The following ATP10D variants were observed in gnomAD, a reference collection of about 807,000 sequenced individuals.
The protein encoded by ATP10D is ATPase phospholipid transporting 10D (putative), also known as phospholipid-transporting ATPase VD.
ATP10D carries 89 observed loss-of-function variants against 144.8 expected under a neutral mutation model. The ratio of observed to expected loss-of-function variants is 0.61; its 90% CI spans 0.52 to 0.73. The LOEUF (loss-of-function observed/expected upper bound fraction) is 0.73. Among genes scored for constraint, ATP10D ranks in the 30% least tolerant of loss-of-function variants. ATP10D has a pLI of 0.00. For missense variants in ATP10D, 1,603 were observed against 1,714.8 expected, an observed-to-expected ratio of 0.93 and a Z score of 1.15; for synonymous variants, 571 against 615.1, an observed-to-expected ratio of 0.93 and a Z score of 1.06.
intron 16 of ATP10D, among the ~76,000 whole-genome samples, chr4:47,571,039 A>T (rs997167859): frequency 1.3e-5 from 2 of 151,918 alleles, no homozygotes; most frequent in Admixed American, 6.6e-5. Context: ...GTAGCCACTA[A>T]AACTCCTGGG....
chr4:47,575,832 C>T (rs1400689004), intron 18 of ATP10D, among the ~76,000 whole-genome samples: 11 of 151,654 alleles, frequency 7.3e-5, no homozygotes, highest in Non-Finnish European at 1.6e-4. Flanking sequence ...CCAGAATGGT[C>T]AGGTTCTGGT....
At chr4:47,540,163 A>AT (rs1718061557) in intron 9 of ATP10D, among the ~76,000 whole-genome samples, 1 of 152,152 alleles carries the variant, frequency 6.6e-6, no homozygotes, top group African/African-American at 2.4e-5. Context: ...TCTGAGGCAT[A>AT]TTTTCACTGA....
At chr4:47,576,077 G>A (rs1363720017) in intron 18 of ATP10D, among the ~76,000 whole-genome samples, 5 of 150,524 alleles carry the variant, frequency 3.3e-5, no homozygotes, top group African/African-American at 9.8e-5. Flanking sequence ...GACTACAGGC[G>A]CCCGCCACTA....
At chr4:47,504,647 C>T (rs1715918286) in intron 1 of ATP10D, among the ~76,000 whole-genome samples, 1 of 152,060 alleles carries the variant, frequency 6.6e-6, no homozygotes. Flanking sequence ...ACTGCAAGCT[C>T]CGCCTCCCGG....
intron 22 of ATP10D, 64 bp from the exon 23 acceptor site, chr4:47,590,978 G>T (rs1041966978): frequency 1.7e-5 from 19 of 1,088,440 alleles, no homozygotes; most frequent in Middle Eastern, 3.2e-4. Context: ...TTAGTATTTG[G>T]GGGGGGGGGT....
intron 19 of ATP10D, among the ~76,000 whole-genome samples, chr4:47,577,693 GT>G (rs1307647523): frequency 6.6e-6 from 1 of 152,194 alleles, no homozygotes; most frequent in East Asian, 1.9e-4. Context: ...GGAATGGAGA[GT>G]CATTTAGTGT....
intron 1 of ATP10D, among the ~76,000 whole-genome samples, chr4:47,499,564 A>C (rs1384982512): frequency 6.6e-6 from 1 of 152,218 alleles, no homozygotes; most frequent in African/African-American, 2.4e-5. Flanking sequence ...GTACTGGAAG[A>C]AAACCTTATG....
chr4:47,573,004 A>G lies in ATP10D; in HGVS notation c.3366+7A>G, dbSNP rs1560452931. ...TTTTTTCTATAAGAATGTGGTATGT[A>G]ACCCCAGAGAATTTGTCCCTTTTCC... On this transcript the variant is annotated splice_region_variant and intron_variant, in intron 18 of 22. Transcript: ENST00000273859. 1.2e-6 allele frequency: 2 copies of G among 1,613,840 alleles called. No individual in the cohort carries two copies. Among genetic ancestry groups the G allele is most frequent in the Non-Finnish European group, 1.7e-6 (2 of 1,179,796 alleles).
At chr4:47,570,523 G>A (rs541855133) in intron 16 of ATP10D, among the ~76,000 whole-genome samples, 2 of 152,298 alleles carry the variant, frequency 1.3e-5, no homozygotes, top group East Asian at 3.9e-4. Context: ...TGGGTATCAG[G>A]CCAGGTACAG....
chr4:47,510,673 G>A (rs905039539), intron 1 of ATP10D, among the ~76,000 whole-genome samples: 1 of 152,186 alleles, frequency 6.6e-6, no homozygotes, highest in Non-Finnish European at 1.5e-5. Flanking sequence ...ATTAGCAGAA[G>A]TTAACACCTC....
chr4:47,512,485 G>T lies in ATP10D; in HGVS notation c.-37-19G>T. ...CGTTTCAGAAGCTCATGGAAGTGTG[G>T]TTTTTGTTTGTTTGCCAGGTCAGCT... On this transcript the variant is annotated intron_variant, in intron 1 of 22. Transcript: ENST00000273859. 3.4e-6 allele frequency: 5 copies of T among 1,492,526 alleles called. No individual in the cohort carries two copies. Among genetic ancestry groups the T allele is most frequent in the Non-Finnish European group, 4.5e-6 (5 of 1,099,106 alleles). 92.5% of individuals were successfully genotyped at this position (1,492,526 alleles called of 1,614,324 possible).
chr4:47,514,089 G>C (rs1346358021), intron 2 of ATP10D, among the ~76,000 whole-genome samples: 2 of 152,196 alleles, frequency 1.3e-5, no homozygotes, highest in Admixed American at 1.3e-4. Flanking sequence ...ACCTTGGCTG[G>C]AAGAGTATTT....
chr4:47,569,067 C>T lies in ATP10D; in HGVS notation c.3084C>T (p.Cys1028=). 6.2e-7 allele frequency: 1 copy of T among 1,614,178 alleles called. No individual in the cohort carries two copies. Among genetic ancestry groups the T allele is most frequent in the South Asian group, 1.1e-5 (1 of 91,088 alleles). ...CATCTTGGTGTCAAGCTGTGGTCTGCTGCCGAGCCACACCGCTGCAGAAAA... is the reference window on the plus strand; with the variant it reads ...CATCTTGGTGTCAAGCTGTGGTCTGTTGCCGAGCCACACCGCTGCAGAAAA... ...ELTSWCQAVV[C]CRATPLQKSE... Residue 1028 remains cysteine (C), a synonymous_variant, in exon 16 of 23, where the codon TGC becomes TGT. Transcript: ENST00000273859.
In ATP10D at chr4:47,546,627, G is replaced by A. The variant is rs915869872; in HGVS notation, c.1400G>A (p.Arg467Lys). The change falls in exon 10 of 23, where the codon AGG becomes AAG. Residue 467 changes from arginine to lysine, a missense_variant. Transcript: ENST00000273859. ...GFDYCHEENARRLESYQEAVS... is the reference protein window; with the variant it reads ...GFDYCHEENAKRLESYQEAVS... The stretch of plus-strand genomic sequence containing the variant: ...CAGTGTGCTTTTTATCCCACAGCCA[G>A]GAGGTTGGAGTCCTATCAGGAAGCT... 1.2e-6 allele frequency: 2 copies of A among 1,613,806 alleles called. No homozygotes were observed. Among genetic ancestry groups the A allele is most frequent in the African/African-American group, 1.3e-5 (1 of 74,922 alleles).
chr4:47,572,692 T>G (rs983799996), intron 17 of ATP10D, among the ~76,000 whole-genome samples, 180 bp from the exon 18 acceptor site: 1 of 147,746 alleles, frequency 6.8e-6, no homozygotes, highest in African/African-American at 2.5e-5. Flanking sequence ...GGATGGTATT[T>G]TAGGCACAAA....
chr4:47,518,480 C>T (rs1264934698), intron 3 of ATP10D, among the ~76,000 whole-genome samples: 5 of 152,090 alleles, frequency 3.3e-5, no homozygotes, highest in Non-Finnish European at 5.9e-5. Context: ...AATCATTCAA[C>T]AAATCTGAGT....
Position 47,567,765 on chromosome 4 carries a change from A to G in ATP10D, c.2854-1072A>G, listed in dbSNP as rs532191257. 5.6e-4 allele frequency among the ~76,000 whole-genome samples: 85 copies of G among 152,328 alleles called. No individual in the cohort carries two copies. In the South Asian group the frequency reaches 0.016, roughly 29 times the overall value. ...AATGGAGCCCTGTGAACACTCCACA[A>G]GAGTGTTTATAGTTTTTGTGCTGTT... On this transcript the variant is annotated intron_variant, in intron 15 of 22. Coordinates refer to ENST00000273859, the MANE Select transcript of ATP10D (RefSeq NM_020453.4).
intron 17 of ATP10D, among the ~76,000 whole-genome samples, chr4:47,572,643 A>ATGTG (rs1440669938): frequency 7.8e-4 from 38 of 48,928 alleles, no homozygotes; most frequent in Non-Finnish European, 1.5e-3. Flanking sequence ...ATTTGTGCGC[A>ATGTG]CGTGTGTGTG....
At chr4:47,559,516 T>C (rs192755894) in intron 13 of ATP10D, among the ~76,000 whole-genome samples, 1 of 152,254 alleles carries the variant, frequency 6.6e-6, no homozygotes, top group Admixed American at 6.5e-5. Flanking sequence ...CAGTATTGAT[T>C]ATTCTTTATT....
Sources: allele counts gnomAD v4.1 joint callset (sites outside exome capture counted in the v4.1 genomes callset), GRCh38; gene constraint gnomAD v4.1.1; transcripts MANE v1.5; gene names NCBI Gene and HGNC (gene_info 2026-07-23, HGNC 2026-07-21).